PDCL2: variants seen among roughly 807,000 people sequenced by gnomAD.
PDCL2 encodes the protein phosducin-like protein 2.
In PDCL2, 23 loss-of-function variants were observed where a neutral mutation model predicts 30.3. The ratio of observed to expected loss-of-function variants is 0.76; its 90% CI spans 0.55 to 1.08. The LOEUF (loss-of-function observed/expected upper bound fraction) is 1.08, where lower values mean the gene tolerates loss of function less well. Among genes scored for constraint, PDCL2 ranks in the 50% least tolerant of loss-of-function variants. The pLI is 0.00. For missense variants in PDCL2, 243 were observed against 282.3 expected (o/e 0.86, Z 1.00); for synonymous variants, 68 against 86.2 (o/e 0.79, Z 1.17).
At chr4:55,575,888 C>CA (rs1732555358) in intron 3 of PDCL2, among the ~76,000 whole-genome samples, 1 of 151,802 alleles carries the variant, frequency 6.6e-6, no homozygotes, top group Non-Finnish European at 1.5e-5. Flanking sequence ...AAAATAAAAA[C>CA]AAAAAAACAC....
chr4:55,574,931 G>A (rs947420121), intron 3 of PDCL2, among the ~76,000 whole-genome samples: 1 of 152,180 alleles, frequency 6.6e-6, no homozygotes, highest in African/African-American at 2.4e-5. Flanking sequence ...ACCTAGAAGT[G>A]GAATTGCTGG....
intron 3 of PDCL2, among the ~76,000 whole-genome samples, chr4:55,571,996 T>C (rs935862647): frequency 6.6e-6 from 1 of 152,054 alleles, no homozygotes; most frequent in Admixed American, 6.6e-5. Flanking sequence ...TTTCAAAATA[T>C]TCTTGTTCCA....
At chr4:55,582,071 A>C in intron 2 of PDCL2, 46 bp downstream of exon 2, 1 of 1,602,032 alleles carries the variant, frequency 6.2e-7, no homozygotes, top group East Asian at 2.2e-5. Flanking sequence ...GTACTAACTT[A>C]ACTGTATTAT....
Position 55,562,815 on chromosome 4 carries a change from G to A in PDCL2, c.363-203C>T, listed in dbSNP as rs111485453. On this transcript the variant is annotated intron_variant, in intron 4 of 5. Coordinates refer to ENST00000295645, the MANE Select transcript of PDCL2 (RefSeq NM_152401.3). ...TTTATTGCAAGCACCATTATAACCC[G>A]GGAATGAAGCTAGCTACCATGGCAA... is the stretch of plus-strand genomic sequence containing the variant. 5.0e-3 allele frequency among the ~76,000 whole-genome samples: 752 copies of A among 151,708 alleles called. 4 individuals carry two copies. The highest frequency in any genetic ancestry group is 0.017 in the African/African-American group (709 of 41,348).
chr4:55,566,429 CTTTT>C (rs59299412), intron 4 of PDCL2, among the ~76,000 whole-genome samples: 1 of 126,908 alleles, frequency 7.9e-6, no homozygotes, highest in Admixed American at 9.1e-5. Flanking sequence ...TCCTTTTTCT[CTTTT>C]TTTTTTTTTT....
chr4:55,556,795 A>AGTAATATCATCATTTCCATG, intron 5 of PDCL2, 84 bp from the exon 6 acceptor site: 1 of 1,075,098 alleles, frequency 9.3e-7, no homozygotes, highest in Non-Finnish European at 1.3e-6. Context: ...GTTGACTCTT[A>AGTAATATCATCATTTCCATG]GTAATATTAC....
Position 55,580,845 on chromosome 4 carries a change from T to C in PDCL2, c.194A>G (p.Asp65Gly), listed in dbSNP as rs1732689355. The C allele has an allele frequency of 6.2e-7, 1 of 1,609,162 alleles. No individual in the cohort carries two copies. Among genetic ancestry groups the C allele is most frequent in the African/African-American group, 1.3e-5 (1 of 74,714 alleles). Residue 65 changes from aspartate to glycine, a missense_variant, in exon 3 of 6, where the codon GAT becomes GGT. Physicochemically the swap from Asp to Gly is moderately conservative, Grantham distance 94. Coordinates refer to ENST00000295645, the MANE Select transcript of PDCL2 (RefSeq NM_152401.3). ...CCTATATGTTTCAACAGCCTGCATA[T>C]CTTCTTCATCAAATTCATCTTCAGC... ...KEAEDEFDEE[D>G]MQAVETYRKK...
intron 1 of PDCL2, 38 bp downstream of exon 1, chr4:55,592,066 G>T (rs766753420): frequency 8.7e-6 from 14 of 1,607,004 alleles, no homozygotes; most frequent in Non-Finnish European, 1.2e-5. Context: ...GAGACCCACT[G>T]GGTGTTCCAG....
intron 3 of PDCL2, among the ~76,000 whole-genome samples, chr4:55,577,655 A>G (rs1198595391): frequency 6.6e-6 from 1 of 152,186 alleles, no homozygotes; most frequent in Non-Finnish European, 1.5e-5. Context: ...GATCAGATAT[A>G]TATTTCTCAT....
intron 5 of PDCL2, among the ~76,000 whole-genome samples, chr4:55,559,198 G>C (rs541386708): frequency 1.4e-4 from 21 of 152,234 alleles, no homozygotes; most frequent in African/African-American, 4.8e-4. Context: ...TTCATTTACA[G>C]AGCAATCTAT....
rs539723113 is a variant in PDCL2, at chr4:55,570,597, G to GA, written c.219-737dup. Among the ~76,000 whole-genome samples the GA allele has an allele frequency of 2.0e-4, 30 of 152,106 alleles. No individual in the cohort carries two copies. The East Asian group carries it at 5.4e-3, about 27-fold the overall frequency. ...ATAGCTACTCACAAGGGATTACTGG[G>GA]AAAAAAATGAAATAATACATGTAAA... On this transcript the variant is annotated intron_variant, in intron 3 of 5. Transcript: ENST00000295645.
chr4:55,577,269 A>G (rs923482779), intron 3 of PDCL2, among the ~76,000 whole-genome samples: 2 of 152,170 alleles, frequency 1.3e-5, no homozygotes, highest in Admixed American at 6.5e-5. Context: ...TACCTCCCTA[A>G]GGCTCCACCT....
At chr4:55,585,721 A>G (rs1732844768) in intron 1 of PDCL2, among the ~76,000 whole-genome samples, 1 of 151,910 alleles carries the variant, frequency 6.6e-6, no homozygotes, top group African/African-American at 2.4e-5. Flanking sequence ...CAATCTCCTT[A>G]TTTGTTATTG....
rs568103741 is a variant in PDCL2 at position 55,584,538 on chromosome 4, T to A, written c.7-2301A>T. 2.6e-5 allele frequency among the ~76,000 whole-genome samples: 4 copies of A among 152,322 alleles called. No individual in the cohort carries two copies. In the South Asian group the frequency reaches 8.3e-4, roughly 32 times the overall value. On this transcript the variant is annotated intron_variant, in intron 1 of 5. Transcript: ENST00000295645. ...TCTCAAAGTGCTAGGATTACAGGTATGAGCCACCATGCCTGGCCAGAAATG... is the reference window on the plus strand; with the variant it reads ...TCTCAAAGTGCTAGGATTACAGGTAAGAGCCACCATGCCTGGCCAGAAATG...
At chr4:55,587,280 G>A (rs577254228) in intron 1 of PDCL2, among the ~76,000 whole-genome samples, 4 of 144,190 alleles carry the variant, frequency 2.8e-5, no homozygotes, top group African/African-American at 7.8e-5. Flanking sequence ...CCTTTTATAA[G>A]GGTATCTAAT....
intron 1 of PDCL2, among the ~76,000 whole-genome samples, chr4:55,582,868 G>A (rs1732764172): frequency 6.7e-6 from 1 of 149,426 alleles, no homozygotes; most frequent in Non-Finnish European, 1.5e-5. Context: ...TTGGTTTTTT[G>A]TCCCTGTGAC....
chr4:55,556,655 G>A lies in PDCL2; in HGVS notation c.628C>T (p.Pro210Ser), dbSNP rs1347214002. ...GAIQTDLEEN[P>S]RKDMVDMMVS... ...ATCATATCTACCATGTCTTTTCTGG[G>A]GTTTTCTTCCAAATCAGTCTGTATT... The change falls in exon 6 of 6, where the codon CCC becomes TCC. Residue 210 changes from proline to serine, a missense_variant. Transcript: ENST00000295645. 1.9e-6 allele frequency: 3 copies of A among 1,569,946 alleles called. No homozygotes were observed. The highest frequency in any genetic ancestry group is 1.3e-5 in the African/African-American group (1 of 74,256).
chr4:55,585,732 G>T (rs987266420), intron 1 of PDCL2, among the ~76,000 whole-genome samples: 1 of 152,084 alleles, frequency 6.6e-6, no homozygotes, highest in African/African-American at 2.4e-5. Context: ...TTTGTTATTG[G>T]TCTGTTTAGA....
chr4:55,559,959 G>T (rs1471663211), intron 5 of PDCL2, among the ~76,000 whole-genome samples: 2 of 152,156 alleles, frequency 1.3e-5, no homozygotes, highest in Non-Finnish European at 2.9e-5. Context: ...AAAGGTGATT[G>T]CCTGGGCTGA....
Sources: gnomAD v4.1 joint callset for allele counts (sites outside exome capture counted in the v4.1 genomes callset) on GRCh38, gnomAD v4.1.1 for gene constraint, MANE v1.5 for transcripts, NCBI Gene and HGNC (gene_info 2026-07-23, HGNC 2026-07-21) for gene names.